The following NETO2 variants were observed in gnomAD, a reference collection of about 807,000 sequenced individuals.
The protein encoded by NETO2 is neuropilin and tolloid like 2, also known as neuropilin and tolloid-like protein 2.
Under a neutral mutation model 62.5 loss-of-function variants are expected in NETO2, and 28 were observed. The observed-to-expected ratio is 0.45, with a 90% CI of 0.33 to 0.61. NETO2 has a LOEUF of 0.61. Among genes scored for constraint, NETO2 ranks in the 20% least tolerant of loss-of-function variants. NETO2 has a pLI of 0.02. For synonymous variants in NETO2, 214 were observed against 219.1 expected, an observed-to-expected ratio of 0.98 and a Z score of 0.21; for missense variants, 548 against 643.2, an observed-to-expected ratio of 0.85 and a Z score of 1.60.
intron 6 of NETO2, among the ~76,000 whole-genome samples, chr16:47,116,153 T>C (rs1262808625): frequency 6.6e-6 from 1 of 151,290 alleles, no homozygotes; most frequent in Non-Finnish European, 1.5e-5. Flanking sequence ...TTTTTTTTTT[T>C]TTTTTCTAAG....
chr16:47,131,611 G>A (rs1964267620), intron 2 of NETO2, among the ~76,000 whole-genome samples: 1 of 152,038 alleles, frequency 6.6e-6, no homozygotes, highest in South Asian at 2.1e-4. Flanking sequence ...AGAACCAAAG[G>A]ACTTTGAATA....
intron 7 of NETO2, among the ~76,000 whole-genome samples, chr16:47,103,086 T>C (rs1200136310): frequency 1.3e-5 from 2 of 152,142 alleles, no homozygotes; most frequent in Admixed American, 6.5e-5. Context: ...GTGGCACATA[T>C]ATACCATGGA....
intron 1 of NETO2, among the ~76,000 whole-genome samples, chr16:47,137,710 C>A (rs1187598384): frequency 1.3e-5 from 2 of 152,210 alleles, no homozygotes; most frequent in Non-Finnish European, 2.9e-5. Flanking sequence ...TGACTGCATT[C>A]AGACTTTTCA....
chr16:47,106,743 G>A (rs1963683189), intron 7 of NETO2, among the ~76,000 whole-genome samples: 1 of 151,740 alleles, frequency 6.6e-6, no homozygotes, highest in South Asian at 2.1e-4. Context: ...AAATAAAAAT[G>A]TGCTCTATGA....
intron 7 of NETO2, among the ~76,000 whole-genome samples, chr16:47,103,788 T>A (rs1963608992): frequency 6.6e-6 from 1 of 152,092 alleles, no homozygotes; most frequent in African/African-American, 2.4e-5. Context: ...AACTACATGA[T>A]GAACTCAATG....
chr16:47,109,435 G>C (rs1386784458), intron 7 of NETO2, 48 bp downstream of exon 7: 2 of 1,414,922 alleles, frequency 1.4e-6, no homozygotes, highest in African/African-American at 1.4e-5. Context: ...CTGTGAATGA[G>C]TGAAAAATAT....
intron 1 of NETO2, among the ~76,000 whole-genome samples, chr16:47,133,966 G>A (rs1964320526): frequency 6.6e-6 from 1 of 152,196 alleles, no homozygotes. Flanking sequence ...AAGGAAAGGT[G>A]ATCATGTTTG....
chr16:47,135,456 T>C (rs1964347723), intron 1 of NETO2, among the ~76,000 whole-genome samples: 1 of 152,214 alleles, frequency 6.6e-6, no homozygotes, highest in Non-Finnish European at 1.5e-5. Flanking sequence ...GCAATTTGAT[T>C]GTACAGAGAA....
chr16:47,087,034 T>A (rs1009861503), intron 7 of NETO2, among the ~76,000 whole-genome samples: 21 of 178 alleles, frequency 0.12, no homozygotes, highest in South Asian at 0.38. Flanking sequence ...ATAATTAAAT[T>A]TTTTTTTTTT....
intron 1 of NETO2, among the ~76,000 whole-genome samples, chr16:47,140,131 A>G (rs972029289): frequency 3.9e-5 from 6 of 152,164 alleles, no homozygotes; most frequent in Non-Finnish European, 8.8e-5. Flanking sequence ...GGTGACTGAG[A>G]GGGCAAGGCC....
chr16:47,129,299 T>G lies in NETO2; in HGVS notation c.157A>C (p.Asn53His). The G allele has an allele frequency of 6.2e-7, 1 of 1,614,086 alleles. No homozygotes were observed. Among genetic ancestry groups the G allele is most frequent in the East Asian group, 2.2e-5 (1 of 44,876 alleles). Residue 53 changes from asparagine (N) to histidine (H), a missense_variant, in exon 3 of 9, where the codon AAT becomes CAT. By Grantham distance (68) the Asn-to-His change is moderately conservative. Transcript: ENST00000562435. ...TQCGIWVRTS[N>H]GGHFASPNYP... is the part of the protein sequence containing the mutation. ...TTTGGCGAAGCAAAATGACCTCCAT[T>G]GCTGGTTCGAACCCAAATGCCACAC...
intron 7 of NETO2, among the ~76,000 whole-genome samples, chr16:47,108,618 T>A (rs1000553837): frequency 3.3e-5 from 5 of 152,160 alleles, no homozygotes; most frequent in Non-Finnish European, 5.9e-5. Flanking sequence ...CTCTTGACAA[T>A]GTGCCAAGGA....
chr16:47,129,150 T>C (rs1015765449), intron 3 of NETO2, 74 bp downstream of exon 3: 7 of 1,388,102 alleles, frequency 5.0e-6, no homozygotes, highest in Admixed American at 1.7e-5. Context: ...CTGGTTTACA[T>C]AGGTCATTTT....
At chr16:47,098,335 G>T (rs1298458021) in intron 7 of NETO2, among the ~76,000 whole-genome samples, 2 of 152,104 alleles carry the variant, frequency 1.3e-5, no homozygotes, top group African/African-American at 4.8e-5. Flanking sequence ...GAACATAAAT[G>T]ACCTGATGGA....
At chr16:47,114,668 C>T (rs1362742727) in intron 6 of NETO2, among the ~76,000 whole-genome samples, 1 of 151,040 alleles carries the variant, frequency 6.6e-6, no homozygotes, top group African/African-American at 2.4e-5. Flanking sequence ...GCCAGGATGG[C>T]CTCGATTTCC....
chr16:47,098,864 G>A (rs1963486683), intron 7 of NETO2, among the ~76,000 whole-genome samples: 1 of 152,134 alleles, frequency 6.6e-6, no homozygotes, highest in Non-Finnish European at 1.5e-5. Context: ...GAGAGTGGGG[G>A]CCAATATGCA....
intron 8 of NETO2, 108 bp downstream of exon 8, chr16:47,086,117 CA>C: frequency 2.7e-6 from 2 of 748,116 alleles, no homozygotes; most frequent in Non-Finnish European, 2.3e-6. Flanking sequence ...AACAAACAAA[CA>C]AAAAGCAGCT....
intron 7 of NETO2, among the ~76,000 whole-genome samples, chr16:47,094,258 C>G (rs1596706084): frequency 9.7e-6 from 1 of 102,966 alleles, no homozygotes; most frequent in African/African-American, 3.7e-5. Context: ...TGATATATCA[C>G]TTGGATTTTT....
chr16:47,104,249 A>G (rs1390028866), intron 7 of NETO2, among the ~76,000 whole-genome samples: 2 of 152,248 alleles, frequency 1.3e-5, no homozygotes, highest in Non-Finnish European at 2.9e-5. Context: ...ATTAACAATT[A>G]GAAAAGGAAA....
Sources: gnomAD v4.1 joint callset for allele counts (sites outside exome capture counted in the v4.1 genomes callset) on GRCh38, gnomAD v4.1.1 for gene constraint, MANE v1.5 for transcripts, NCBI Gene and HGNC (gene_info 2026-07-23, HGNC 2026-07-21) for gene names.